Variants in RANBP2 observed in about 807,000 individuals in gnomAD.
The protein encoded by RANBP2 is RAN binding protein 2.
RANBP2 carries 57 observed loss-of-function variants against 303.6 expected under a neutral mutation model. The observed-to-expected ratio is 0.19, with a 90% CI of 0.15 to 0.23. The LOEUF is 0.23. RANBP2 is among the 10% of genes least tolerant of loss of function. The pLI, the probability that RANBP2 is intolerant of heterozygous loss-of-function variation, is 1.00. For synonymous variants in RANBP2, 1,167 were observed against 1,301.5 expected (o/e 0.90, Z 2.23); for missense variants, 3,138 against 3,780.8 (o/e 0.83, Z 4.46).
chr2:108,937,922 A>G, the RANBP2 span, among the ~76,000 whole-genome samples: 1 of 152,216 alleles, frequency 6.6e-6, no homozygotes, highest in Non-Finnish European at 1.5e-5. Context: ...TTGAAAGTTT[A>G]AAATCCAAGT....
the RANBP2 span, among the ~76,000 whole-genome samples, chr2:109,002,806 G>A: frequency 6.6e-6 from 1 of 152,210 alleles, no homozygotes; most frequent in African/African-American, 2.4e-5. Flanking sequence ...GCAGAAAGCT[G>A]TGTCATGCTG....
At chr2:109,213,588 G>A in the RANBP2 span, among the ~76,000 whole-genome samples, 1 of 152,186 alleles carries the variant, frequency 6.6e-6, no homozygotes, top group Non-Finnish European at 1.5e-5. Flanking sequence ...GGCATTGGGT[G>A]GACACCAGCT....
chr2:109,694,685 A>G, the RANBP2 span, among the ~76,000 whole-genome samples: 4 of 152,238 alleles, frequency 2.6e-5, no homozygotes, highest in African/African-American at 9.6e-5. Flanking sequence ...AAGAGCTCCA[A>G]TGAGCATTTC....
At chr2:108,949,133 A>C in the RANBP2 span, among the ~76,000 whole-genome samples, 1 of 151,836 alleles carries the variant, frequency 6.6e-6, no homozygotes, top group Non-Finnish European at 1.5e-5. Flanking sequence ...TTGAAACACC[A>C]TGCCTGGGTA....
At chr2:108,770,471 T>G (rs1300056024) in intron 20 of RANBP2, among the ~76,000 whole-genome samples, 3 of 152,186 alleles carry the variant, frequency 2.0e-5, no homozygotes, top group Non-Finnish European at 4.4e-5. Context: ...AATTTAAAAT[T>G]GTCATTTGGT....
chr2:109,039,458 C>T, the RANBP2 span, among the ~76,000 whole-genome samples: 484 of 152,334 alleles, frequency 3.2e-3, 2 homozygotes, highest in Non-Finnish European at 4.9e-3. Flanking sequence ...TCAAGCAATT[C>T]TCCTGGCTCG....
At chr2:109,680,633 T>G in the RANBP2 span, among the ~76,000 whole-genome samples, 2 of 152,222 alleles carry the variant, frequency 1.3e-5, no homozygotes, top group Non-Finnish European at 2.9e-5. Context: ...ATCACCTGTT[T>G]TCCCCTGGCG....
At chr2:109,482,695 C>T in the RANBP2 span, among the ~76,000 whole-genome samples, 1 of 152,220 alleles carries the variant, frequency 6.6e-6, no homozygotes, top group Non-Finnish European at 1.5e-5. Flanking sequence ...ACAAGGATGC[C>T]CTCAGCTCCC....
At chr2:109,159,850 C>A in the RANBP2 span, among the ~76,000 whole-genome samples, 19 of 152,164 alleles carry the variant, frequency 1.2e-4, no homozygotes, top group African/African-American at 4.6e-4. Context: ...CACTGTCTTC[C>A]GTCACCCTCA....
the RANBP2 span, among the ~76,000 whole-genome samples, chr2:108,973,815 T>G: frequency 1.3e-5 from 2 of 152,246 alleles, no homozygotes; most frequent in African/African-American, 4.8e-5. Flanking sequence ...CTTCAACTTT[T>G]GAATGCCCCA....
chr2:109,406,454 G>A, the RANBP2 span, among the ~76,000 whole-genome samples: 5 of 152,098 alleles, frequency 3.3e-5, no homozygotes, highest in African/African-American at 1.2e-4. Flanking sequence ...CACGTTCTCG[G>A]AGGCACCAAG....
chr2:109,140,241 G>C, the RANBP2 span, among the ~76,000 whole-genome samples: 1 of 152,196 alleles, frequency 6.6e-6, no homozygotes, highest in Non-Finnish European at 1.5e-5. Context: ...GCACGTGTTT[G>C]GAGTTCTCTC....
the RANBP2 span, among the ~76,000 whole-genome samples, chr2:109,380,507 G>C: frequency 1.3e-5 from 2 of 152,218 alleles, no homozygotes; most frequent in Non-Finnish European, 2.9e-5. Flanking sequence ...ATGGGTCTAA[G>C]CTGGGAAGCT....
At chr2:109,157,527 A>C in the RANBP2 span, among the ~76,000 whole-genome samples, 1 of 152,136 alleles carries the variant, frequency 6.6e-6, no homozygotes, top group Admixed American at 6.5e-5. Flanking sequence ...AGATAATCTC[A>C]TTGGGTCTTC....
chr2:109,331,249 C>T, the RANBP2 span, among the ~76,000 whole-genome samples: 3 of 152,132 alleles, frequency 2.0e-5, no homozygotes, highest in Non-Finnish European at 2.9e-5. Context: ...GACCCCCACC[C>T]GCCTGTCCCG....
At chr2:109,012,789 C>T in the RANBP2 span, among the ~76,000 whole-genome samples, 1 of 152,140 alleles carries the variant, frequency 6.6e-6, no homozygotes, top group Non-Finnish European at 1.5e-5. Flanking sequence ...TGGCGGGAGC[C>T]TGTAATCCCA....
At chr2:108,888,511 GT>G in the RANBP2 span, among the ~76,000 whole-genome samples, 1 of 151,678 alleles carries the variant, frequency 6.6e-6, no homozygotes, top group East Asian at 1.9e-4. Context: ...TTTTTGTTGG[GT>G]AATTTTTTTA....
At chr2:109,336,885 C>G in the RANBP2 span, among the ~76,000 whole-genome samples, 1 of 152,190 alleles carries the variant, frequency 6.6e-6, no homozygotes, top group Admixed American at 6.5e-5. Context: ...GAATTCTGCT[C>G]AGTTCCTCCT....
the RANBP2 span, among the ~76,000 whole-genome samples, chr2:108,919,285 G>C: frequency 7.2e-5 from 11 of 152,192 alleles, no homozygotes; most frequent in Admixed American, 4.6e-4. Flanking sequence ...TTGCCTGAGG[G>C]GACTTCGTCA....
Sources: allele counts gnomAD v4.1 joint callset (sites outside exome capture counted in the v4.1 genomes callset), GRCh38; gene constraint gnomAD v4.1.1; transcripts MANE v1.5; gene names NCBI Gene and HGNC (gene_info 2026-07-23, HGNC 2026-07-21).